The following CHAT variants were observed in gnomAD, a reference collection of about 807,000 sequenced individuals.
The protein encoded by CHAT is choline O-acetyltransferase.
A neutral mutation model predicts 76.9 loss-of-function variants in CHAT; 61 were observed. The ratio of observed to expected loss-of-function variants is 0.79; its 90% CI spans 0.65 to 0.98. The LOEUF (loss-of-function observed/expected upper bound fraction) is 0.98, where lower values mean the gene tolerates loss of function less well. Ranked by LOEUF, CHAT falls within the 50% of genes least tolerant of loss-of-function variation. CHAT has a pLI of 0.00. For missense variants in CHAT, 946 were observed against 986.9 expected, an observed-to-expected ratio of 0.96 and a Z score of 0.56; for synonymous variants, 407 against 397.4, an observed-to-expected ratio of 1.02 and a Z score of -0.29.
At position 49,666,470 on chromosome 10, in the gene CHAT, G is replaced by A. The variant is rs1840342829; in HGVS notation, c.*1424G>A. ...GAAATCTACAGCATAGAGCCCGTGT[G>A]TTCTGCTCCACATCCCTCCAATCCT... On this transcript the variant is annotated 3_prime_UTR_variant, in exon 15 of 15. Transcript: ENST00000337653. Among the ~76,000 whole-genome samples the A allele has an allele frequency of 6.6e-6, 1 of 152,236 alleles. No individual in the cohort carries two copies. The highest frequency in any genetic ancestry group is 1.5e-5 in the Non-Finnish European group (1 of 68,036).
At chr10:49,619,384 C>T (rs1554802395) in intron 2 of CHAT, among the ~76,000 whole-genome samples, 1 of 152,186 alleles carries the variant, frequency 6.6e-6, no homozygotes, top group Non-Finnish European at 1.5e-5. Context: ...TCCCATTCTA[C>T]AGAGGAAGAA....
At chr10:49,610,661 C>G (rs956754475), upstream of CHAT, 89 of 1,372,912 alleles carry the variant, frequency 6.5e-5, no homozygotes, top group Non-Finnish European at 8.4e-5. Flanking sequence ...CCCGAAGTCC[C>G]GTGCCCTCGC....
At chr10:49,634,478 C>T (rs982874299) in intron 7 of CHAT, among the ~76,000 whole-genome samples, 1 of 152,330 alleles carries the variant, frequency 6.6e-6, no homozygotes, top group South Asian at 2.1e-4. Context: ...GAGGCAGGGG[C>T]CCGTGGGCCC....
chr10:49,657,021 A>G (rs1840056708), intron 13 of CHAT, among the ~76,000 whole-genome samples: 1 of 152,328 alleles, frequency 6.6e-6, no homozygotes, highest in South Asian at 2.1e-4. Context: ...AGAGAACAGG[A>G]AAGGAGTGGC....
At chr10:49,662,515 C>T in intron 13 of CHAT, 130 bp from the exon 14 acceptor site, 1 of 1,198,568 alleles carries the variant, frequency 8.3e-7, no homozygotes, top group Non-Finnish European at 1.2e-6. Flanking sequence ...ACATTGTTGG[C>T]AGCAGGCACT....
At chr10:49,663,425 G>T (rs1354066567) in intron 14 of CHAT, among the ~76,000 whole-genome samples, 13 of 152,112 alleles carry the variant, frequency 8.5e-5, no homozygotes, top group Admixed American at 8.5e-4. Flanking sequence ...TGAAGTCTTG[G>T]CTTGGCCAGA....
At chr10:49,634,705 T>TTTTTG (rs1376691673) in intron 7 of CHAT, among the ~76,000 whole-genome samples, 1 of 152,160 alleles carries the variant, frequency 6.6e-6, no homozygotes, top group Admixed American at 6.5e-5. Context: ...GAGGTGGTTT[T>TTTTTG]TTTTGTTTTG....
intron 11 of CHAT, among the ~76,000 whole-genome samples, chr10:49,654,884 G>A (rs1839983628): frequency 6.6e-6 from 1 of 152,156 alleles, no homozygotes; most frequent in African/African-American, 2.4e-5. Flanking sequence ...ATCCCCGGGT[G>A]TATATAAGCA....
At position 49,652,257 on chromosome 10, in the gene CHAT, G is replaced by A. The variant is rs561354391; in HGVS notation, c.1634+251G>A. ...GGGCACGGAGCTCCAAAGGACTGGAGTGTAGAGCTGAGAAGAGCCAGGAGG... is the reference window on the plus strand; with the variant it reads ...GGGCACGGAGCTCCAAAGGACTGGAATGTAGAGCTGAGAAGAGCCAGGAGG... On this transcript the variant is annotated intron_variant, in intron 11 of 14. Coordinates refer to ENST00000337653, the MANE Select transcript of CHAT (RefSeq NM_020549.5). Among the ~76,000 whole-genome samples the A allele has an allele frequency of 8.5e-5, 13 of 152,274 alleles. No individual in the cohort carries two copies. In the South Asian group the frequency reaches 1.9e-3, roughly 22 times the overall value.
At chr10:49,646,700 G>A (rs754861883) in intron 8 of CHAT, 26 bp downstream of exon 8, 3 of 1,611,586 alleles carry the variant, frequency 1.9e-6, no homozygotes, top group South Asian at 1.1e-5. Context: ...GGCCCTGCAA[G>A]AGCACAGCCA....
In CHAT at chr10:49,649,159, C is replaced by T. The variant is rs931731010; in HGVS notation, c.1383-349C>T. Among the ~76,000 whole-genome samples the T allele has an allele frequency of 2.6e-5, 4 of 152,198 alleles. No homozygotes were observed. In the East Asian group the frequency reaches 7.7e-4, roughly 29 times the overall value. ...AGGGTTACTGAAACCTAAACCAAGC[C>T]TAGTAGGCACAAACCTTGTAGAAGA... On this transcript the variant is annotated intron_variant, in intron 9 of 14. Transcript: ENST00000337653.
chr10:49,645,184 G>GA (rs1371492726), intron 7 of CHAT, among the ~76,000 whole-genome samples: 2 of 152,172 alleles, frequency 1.3e-5, no homozygotes, highest in Non-Finnish European at 2.9e-5. Flanking sequence ...AGCAAGGAAA[G>GA]AAAGGACATG....
chr10:49,609,806 A>G (rs1838240994), upstream of CHAT, among the ~76,000 whole-genome samples: 1 of 152,002 alleles, frequency 6.6e-6, no homozygotes, highest in Non-Finnish European at 1.5e-5. Flanking sequence ...GCTCCTCCGG[A>G]CGCGGCTCCA....
chr10:49,644,299 A>AGGTCC (rs1402001625), intron 7 of CHAT, among the ~76,000 whole-genome samples: 1 of 152,120 alleles, frequency 6.6e-6, no homozygotes, highest in Non-Finnish European at 1.5e-5. Context: ...CTAGGGTGGG[A>AGGTCC]AGGAGGTGGC....
chr10:49,614,096 G>T lies in CHAT; in HGVS notation c.-94G>T. ...ACAGTGTTCTGTGCCCCCTTCTAGA[G>T]CCTAAATTTGTTGCCCGAGTTCCTC... On this transcript the variant is annotated 5_prime_UTR_variant, in exon 1 of 15. Coordinates refer to ENST00000337653, the MANE Select transcript of CHAT (RefSeq NM_020549.5). The T allele has an allele frequency of 6.5e-7, 1 of 1,543,968 alleles. No homozygotes were observed. Among genetic ancestry groups the T allele is most frequent in the Non-Finnish European group, 8.7e-7 (1 of 1,146,458 alleles).
Position 49,662,562 on chromosome 10 carries a change from A to C in CHAT, c.1840-83A>C, listed in dbSNP as rs1590628243. The C allele has an allele frequency of 3.2e-6, 5 of 1,566,244 alleles. No individual in the cohort carries two copies. The East Asian group carries it at 1.1e-4, about 35-fold the overall frequency. ...AGCCGTGGCTGCTGGAGTCACCAGC[A>C]GTCCTGTAGACTACAGAGCAGGGAA... On this transcript the variant is annotated intron_variant, in intron 13 of 14. Coordinates refer to ENST00000337653, the MANE Select transcript of CHAT (RefSeq NM_020549.5).
chr10:49,629,540 C>T (rs1839042362), intron 7 of CHAT, among the ~76,000 whole-genome samples: 1 of 152,264 alleles, frequency 6.6e-6, no homozygotes, highest in Admixed American at 6.5e-5. Context: ...AAATAATCGC[C>T]TCTGCCTCCA....
rs568907376 is a variant in CHAT, at chr10:49,666,237, C to CCCAGCCCCAGCTCCAGCT, written c.*1233_*1250dup. 2.0e-5 allele frequency among the ~76,000 whole-genome samples: 3 copies of CCCAGCCCCAGCTCCAGCT among 151,826 alleles called. No individual in the cohort carries two copies. Among genetic ancestry groups the CCCAGCCCCAGCTCCAGCT allele is most frequent in the South Asian group, 2.1e-4 (1 of 4,812 alleles). On this transcript the variant is annotated 3_prime_UTR_variant, in exon 15 of 15. Transcript: ENST00000337653. ...AGCCTCCTCCAGAGTCAGCCCCAGC[C>CCCAGCCCCAGCTCCAGCT]CCAGCCCCAGCTCCAGCTCCAGCCC...
upstream of CHAT, chr10:49,613,208 TATG>T (rs1564468013): frequency 6.6e-6 from 1 of 152,256 alleles, no homozygotes; most frequent in African/African-American, 2.4e-5. Flanking sequence ...GAAATGTGTG[TATG>T]ATGTGATGTG....
Sources: allele counts gnomAD v4.1 joint callset (sites outside exome capture counted in the v4.1 genomes callset), GRCh38; gene constraint gnomAD v4.1.1; transcripts MANE v1.5; gene names NCBI Gene and HGNC (gene_info 2026-07-23, HGNC 2026-07-21).